TRPC4: variants seen among roughly 807,000 people sequenced by gnomAD.
TRPC4 encodes transient receptor potential cation channel subfamily C member 4, also known as short transient receptor potential channel 4.
TRPC4 carries 49 observed loss-of-function variants against 99.4 expected under a neutral mutation model. The ratio of observed to expected loss-of-function variants is 0.49; its 90% CI spans 0.39 to 0.63. TRPC4 has a LOEUF of 0.63. TRPC4 is among the 20% of genes least tolerant of loss of function. The probability of loss-of-function intolerance (pLI) is 0.00; values close to 1 mark genes in which losing one functional copy is unlikely to be tolerated. For synonymous variants in TRPC4, 454 were observed against 425.9 expected, an observed-to-expected ratio of 1.07 and a Z score of -0.81; for missense variants, 898 against 1,152.9, an observed-to-expected ratio of 0.78 and a Z score of 3.20.
chr13:37,740,630 C>A (rs1593629768), intron 3 of TRPC4, among the ~76,000 whole-genome samples: 1 of 152,144 alleles, frequency 6.6e-6, no homozygotes, highest in African/African-American at 2.4e-5. Context: ...TAAGGCTACA[C>A]CCTATGTGTT....
chr13:37,821,193 C>CACACACAA, intron 1 of TRPC4, among the ~76,000 whole-genome samples: 1 of 63,682 alleles, frequency 1.6e-5, no homozygotes, highest in Admixed American at 1.4e-4. Context: ...ACAATAGCCA[C>CACACACAA]ACACACACAC....
At chr13:37,658,132 T>A (rs1952305936) in intron 6 of TRPC4, among the ~76,000 whole-genome samples, 2 of 152,166 alleles carry the variant, frequency 1.3e-5, no homozygotes, top group Non-Finnish European at 1.5e-5. Flanking sequence ...GATCATTACT[T>A]AAAGTATCAC....
intron 4 of TRPC4, among the ~76,000 whole-genome samples, chr13:37,678,745 G>A (rs1593494094): frequency 6.6e-6 from 1 of 151,908 alleles, no homozygotes; most frequent in Non-Finnish European, 1.5e-5. Flanking sequence ...ACATTTAAGA[G>A]GCAAGTATTA....
intron 7 of TRPC4, among the ~76,000 whole-genome samples, chr13:37,653,846 G>A (rs1952130082): frequency 6.6e-6 from 1 of 152,054 alleles, no homozygotes; most frequent in Non-Finnish European, 1.5e-5. Context: ...TGTTGTTGTT[G>A]CTGACGTTCT....
rs963972842 is a variant in TRPC4, at chr13:37,635,354, T to C, written c.*1549A>G. 6.6e-6 allele frequency among the ~76,000 whole-genome samples: 1 copy of C among 152,164 alleles called. No homozygotes were observed. The highest frequency in any genetic ancestry group is 1.5e-5 in the Non-Finnish European group (1 of 68,016). ...GTTAGTGCTGGTCTCAGTTTCATCA[T>C]ATGTGAAATGGGGATAAAAACAGGA... On this transcript the variant is annotated 3_prime_UTR_variant, in exon 11 of 11. Coordinates refer to ENST00000379705, the MANE Select transcript of TRPC4 (RefSeq NM_016179.4).
At position 37,746,118 on chromosome 13, in the gene TRPC4, G is replaced by C. The variant is rs1259458907; in HGVS notation, c.716C>G (p.Ser239Trp). The change falls in exon 3 of 11, where the codon TCG becomes TGG. Residue 239 changes from serine to tryptophan, a missense_variant. Physicochemically the swap from Ser to Trp is radical, Grantham distance 177 (BLOSUM62 -3). This residue lies in a region of TRPC4 where 278 missense variants were observed against 346.6 expected (regional missense o/e 0.80). Coordinates refer to ENST00000379705, the MANE Select transcript of TRPC4 (RefSeq NM_016179.4). Reference protein sequence around the residue: ...ELSKVENEFKSEYEELSRQCK... With the variant: ...ELSKVENEFKWEYEELSRQCK... ...CTGCCGTGACAGCTCTTCATACTCC[G>C]ACTTGAATTCATTTTCCACCTTGCT... is the stretch of plus-strand genomic sequence containing the variant. 1 of 1,613,692 alleles carries C rather than the reference G, an allele frequency of 6.2e-7. No homozygotes were observed. The highest frequency in any genetic ancestry group is 8.5e-7 in the Non-Finnish European group (1 of 1,179,888).
chr13:37,641,129 C>CA (rs1951703014), intron 8 of TRPC4, among the ~76,000 whole-genome samples: 1 of 152,008 alleles, frequency 6.6e-6, no homozygotes, highest in African/African-American at 2.4e-5. Flanking sequence ...AAAATGAGTA[C>CA]AAACTGTCTT....
intron 1 of TRPC4, among the ~76,000 whole-genome samples, chr13:37,843,311 T>G (rs953763807): frequency 2.0e-5 from 3 of 152,230 alleles, no homozygotes; most frequent in Admixed American, 1.3e-4. Flanking sequence ...TTTGTTACTT[T>G]GCTACCATTT....
At chr13:37,733,906 A>G (rs932707963) in intron 3 of TRPC4, among the ~76,000 whole-genome samples, 9 of 152,156 alleles carry the variant, frequency 5.9e-5, no homozygotes, top group African/African-American at 9.7e-5. Context: ...TGTGATATAA[A>G]AGGGAATAAT....
At position 37,723,542 on chromosome 13, in the gene TRPC4, G is replaced by A. The variant is rs1379656108; in HGVS notation, c.897+22395C>T. On this transcript the variant is annotated intron_variant, in intron 3 of 10. Coordinates refer to ENST00000379705, the MANE Select transcript of TRPC4 (RefSeq NM_016179.4). ...ATTGATACCCACTGTTGGTGGAGATGCAAATTATTGTTTTTTTGTTTTGTT... is the reference window on the plus strand; with the variant it reads ...ATTGATACCCACTGTTGGTGGAGATACAAATTATTGTTTTTTTGTTTTGTT... 3.3e-5 allele frequency among the ~76,000 whole-genome samples: 5 copies of A among 152,086 alleles called. No individual in the cohort carries two copies. In the East Asian group the frequency reaches 9.6e-4, roughly 29 times the overall value.
intron 1 of TRPC4, among the ~76,000 whole-genome samples, chr13:37,789,357 T>C (rs960617009): frequency 6.6e-6 from 1 of 152,200 alleles, no homozygotes; most frequent in African/African-American, 2.4e-5. Context: ...TGAAGCATCA[T>C]AGCCCCTGAT....
intron 1 of TRPC4, among the ~76,000 whole-genome samples, chr13:37,844,214 T>C (rs1229645473): frequency 1.3e-5 from 2 of 152,166 alleles, no homozygotes; most frequent in East Asian, 1.9e-4. Context: ...ATATTTGGGC[T>C]GATAATGGTG....
chr13:37,799,225 C>A (rs981959956), intron 1 of TRPC4, among the ~76,000 whole-genome samples: 1 of 152,086 alleles, frequency 6.6e-6, no homozygotes, highest in Non-Finnish European at 1.5e-5. Context: ...TGAGCCACTG[C>A]GCCCGGCCTA....
chr13:37,783,778 C>T (rs1342554564), intron 1 of TRPC4, among the ~76,000 whole-genome samples: 1 of 152,048 alleles, frequency 6.6e-6, no homozygotes, highest in Admixed American at 6.6e-5. Flanking sequence ...GTCAATTTTT[C>T]TAATTGTGGA....
intron 3 of TRPC4, among the ~76,000 whole-genome samples, chr13:37,705,151 C>A (rs931829436): frequency 3.3e-5 from 5 of 152,020 alleles, no homozygotes; most frequent in Non-Finnish European, 7.4e-5. Context: ...TTGGAGACAA[C>A]ATGGATGAAA....
At chr13:37,657,438 G>A (rs1204191129) in intron 6 of TRPC4, among the ~76,000 whole-genome samples, 1 of 152,210 alleles carries the variant, frequency 6.6e-6, no homozygotes, top group Non-Finnish European at 1.5e-5. Context: ...TTTATTTTTA[G>A]TAACTTTAAA....
intron 2 of TRPC4, among the ~76,000 whole-genome samples, chr13:37,748,730 T>A (rs1392818804): frequency 6.6e-6 from 1 of 151,950 alleles, no homozygotes; most frequent in Admixed American, 6.6e-5. Context: ...TTGCAGAAAA[T>A]TTTATTTTAA....
intron 5 of TRPC4, among the ~76,000 whole-genome samples, chr13:37,671,474 T>C (rs1029827563): frequency 1.3e-5 from 2 of 152,046 alleles, no homozygotes; most frequent in Non-Finnish European, 2.9e-5. Context: ...GCTCAAACTC[T>C]TTTAAAACTA....
intron 6 of TRPC4, among the ~76,000 whole-genome samples, chr13:37,656,285 T>C (rs1271672866): frequency 6.6e-6 from 1 of 152,164 alleles, no homozygotes; most frequent in African/African-American, 2.4e-5. Flanking sequence ...GGTAAATCGT[T>C]AAAATGAGAC....
Sources: gnomAD v4.1 joint callset for allele counts (sites outside exome capture counted in the v4.1 genomes callset) on GRCh38, gnomAD v4.1.1 for gene constraint, gnomAD v4.1.1 regional missense constraint, MANE v1.5 for transcripts, NCBI Gene and HGNC (gene_info 2026-07-23, HGNC 2026-07-21) for gene names.